Variants in STX5 observed in about 807,000 individuals in gnomAD.
The protein encoded by STX5 is syntaxin 5.
STX5 carries 15 observed loss-of-function variants against 42.9 expected under a neutral mutation model. The ratio of observed to expected loss-of-function variants is 0.35; its 90% confidence interval spans 0.23 to 0.54. The LOEUF (loss-of-function observed/expected upper bound fraction) is 0.54, where lower values mean the gene tolerates loss of function less well. Among genes scored for constraint, STX5 ranks in the 20% least tolerant of loss-of-function variants. STX5 has a pLI of 0.91. For synonymous variants in STX5, 184 were observed against 173.2 expected (o/e 1.06, Z -0.49); for missense variants, 430 against 455.0 (o/e 0.95, Z 0.50).
intron 2 of STX5, among the ~76,000 whole-genome samples, chr11:62,829,843 T>C (rs2134860759): frequency 6.6e-6 from 1 of 151,502 alleles, no homozygotes; most frequent in East Asian, 2.0e-4. Context: ...GGAGGGCAGA[T>C]CACCTCAGGT....
intron 8 of STX5, 78 bp downstream of exon 8, chr11:62,824,958 C>G: frequency 6.9e-7 from 1 of 1,448,164 alleles, no homozygotes; most frequent in Non-Finnish European, 9.6e-7. Context: ...CTACCCAACC[C>G]GTGCCTTTAG....
rs2084565205 is a variant in STX5 at position 62,807,503 on chromosome 11, A to G, written c.1034T>C (p.Val345Ala). Residue 345 changes from valine (V) to alanine (A), a missense_variant, in exon 11 of 11, where the codon GTC becomes GCC. Physicochemically the swap from Val to Ala is moderately conservative, Grantham distance 64. Coordinates refer to ENST00000294179, the MANE Select transcript of STX5 (RefSeq NM_003164.5). ...GAAGACCACAAAGATGATGAAGAAG[A>G]CAATGAGGATGAGGAAGATTTTGAC... ...LMVKIFLILI[V>A]FFIIFVVFLA The G allele has an allele frequency of 6.2e-7, 1 of 1,614,144 alleles. No individual in the cohort carries two copies. Among genetic ancestry groups the G allele is most frequent in the Non-Finnish European group, 8.5e-7 (1 of 1,180,020 alleles).
intron 10 of STX5, among the ~76,000 whole-genome samples, chr11:62,819,426 A>G (rs1296916965): frequency 6.6e-6 from 1 of 151,902 alleles, no homozygotes; most frequent in Non-Finnish European, 1.5e-5. Context: ...ACTTAGATCT[A>G]TTCAAGGAGG....
In STX5 at chr11:62,827,641, A is replaced by G; in HGVS notation, c.226-10T>C. The G allele has an allele frequency of 6.2e-7, 1 of 1,614,186 alleles. No homozygotes were observed. Among genetic ancestry groups the G allele is most frequent in the Non-Finnish European group, 8.5e-7 (1 of 1,180,044 alleles). On this transcript the variant is annotated splice_polypyrimidine_tract_variant and intron_variant, in intron 2 of 10. Transcript: ENST00000294179. ...TTGTCTGGATTCCATTCTGAAAAGCAATGGCAGGAGGTGACAACTTTAGTT... is the reference window on the plus strand; with the variant it reads ...TTGTCTGGATTCCATTCTGAAAAGCGATGGCAGGAGGTGACAACTTTAGTT...
intron 10 of STX5, among the ~76,000 whole-genome samples, chr11:62,810,972 T>G (rs2084610786): frequency 6.6e-6 from 1 of 152,224 alleles, no homozygotes; most frequent in African/African-American, 2.4e-5. Context: ...AAACACATCC[T>G]TACCTCGAAC....
intron 10 of STX5, chr11:62,816,101 T>C (rs755558467): frequency 6.6e-6 from 1 of 152,150 alleles, no homozygotes; most frequent in Non-Finnish European, 1.5e-5. Context: ...TTGTGTATTC[T>C]TAGGAGACGC....
chr11:62,825,185 C>A, intron 7 of STX5, 68 bp from the exon 8 acceptor site: 2 of 1,611,118 alleles, frequency 1.2e-6, no homozygotes, highest in East Asian at 4.5e-5. Flanking sequence ...GAGACTCCCA[C>A]CATTGGCCCC....
intron 2 of STX5, among the ~76,000 whole-genome samples, chr11:62,829,118 T>A (rs1363087913): frequency 6.6e-6 from 1 of 152,006 alleles, no homozygotes; most frequent in East Asian, 1.9e-4. Flanking sequence ...CGGGTCCCAC[T>A]GGGATTGTTG....
chr11:62,827,395 G>A lies in STX5; in HGVS notation c.300C>T (p.Arg100=). 1.9e-6 allele frequency: 3 copies of A among 1,614,170 alleles called. No homozygotes were observed. The highest frequency in any genetic ancestry group is 2.5e-6 in the Non-Finnish European group (3 of 1,180,028). Residue 100 remains arginine, a synonymous_variant, in exon 4 of 11, where the codon CGC becomes CGT. Coordinates refer to ENST00000294179, the MANE Select transcript of STX5 (RefSeq NM_003164.5). ...QRSEFTLMAK[R]IGKDLSNTFA... ...ATGTGTTGCTAAGGTCTTTCCCAATGCGCCTGCAAATGACCACTAGTCAGA... is the reference window on the plus strand; with the variant it reads ...ATGTGTTGCTAAGGTCTTTCCCAATACGCCTGCAAATGACCACTAGTCAGA...
chr11:62,815,380 G>A (rs1342382778), intron 10 of STX5, among the ~76,000 whole-genome samples: 2 of 151,770 alleles, frequency 1.3e-5, no homozygotes, highest in African/African-American at 4.8e-5. Flanking sequence ...ACACTCACTG[G>A]ATAATACATA....
At chr11:62,818,481 G>C (rs1205529293) in intron 10 of STX5, among the ~76,000 whole-genome samples, 1 of 149,776 alleles carries the variant, frequency 6.7e-6, no homozygotes, top group East Asian at 2.0e-4. Flanking sequence ...AGAATCACTT[G>C]AATCCAGGAA....
chr11:62,810,858 ACTTC>A (rs776673871), intron 10 of STX5, among the ~76,000 whole-genome samples: 6 of 152,290 alleles, frequency 3.9e-5, no homozygotes, highest in East Asian at 3.9e-4. Flanking sequence ...CATAAATTCT[ACTTC>A]CTTATTTCTT....
intron 10 of STX5, among the ~76,000 whole-genome samples, chr11:62,809,785 C>G (rs1211151006): frequency 6.7e-6 from 1 of 148,692 alleles, no homozygotes; most frequent in African/African-American, 2.5e-5. Flanking sequence ...AAATTTGCAC[C>G]TACTTTCAAA....
intron 7 of STX5, 23 bp downstream of exon 7, chr11:62,825,260 C>T: frequency 6.2e-7 from 1 of 1,613,962 alleles, no homozygotes; most frequent in Non-Finnish European, 8.5e-7. Context: ...TATTCCTACC[C>T]CTCCTACGCA....
chr11:62,826,901 A>AATT (rs1555007581), intron 5 of STX5, among the ~76,000 whole-genome samples: 9 of 149,448 alleles, frequency 6.0e-5, no homozygotes, highest in Non-Finnish European at 1.2e-4. Flanking sequence ...AAAAAAAAAA[A>AATT]TTATCCAGGA....
chr11:62,814,661 C>A (rs1463363836), intron 10 of STX5, among the ~76,000 whole-genome samples: 2 of 147,554 alleles, frequency 1.4e-5, no homozygotes, highest in Non-Finnish European at 1.5e-5. Flanking sequence ...GAGTTTCGCT[C>A]GTTGCCCAGG....
intron 10 of STX5, among the ~76,000 whole-genome samples, chr11:62,822,096 C>T (rs1243708288): frequency 1.3e-5 from 2 of 152,096 alleles, no homozygotes; most frequent in Non-Finnish European, 2.9e-5. Context: ...GTTGTGATGG[C>T]TCACACCTGT....
At chr11:62,825,630 A>T in intron 5 of STX5, 91 bp from the exon 6 acceptor site, 1 of 1,166,928 alleles carries the variant, frequency 8.6e-7, no homozygotes, top group African/African-American at 1.5e-5. Flanking sequence ...AGGAAGGACA[A>T]GGTGGAAGTT....
chr11:62,808,797 T>C (rs759318945), intron 10 of STX5, among the ~76,000 whole-genome samples: 1 of 152,138 alleles, frequency 6.6e-6, no homozygotes, highest in South Asian at 2.1e-4. Flanking sequence ...ATAAAAGGGA[T>C]AACCTCATCA....
Sources: gnomAD v4.1 joint callset for allele counts (sites outside exome capture counted in the v4.1 genomes callset) on GRCh38, gnomAD v4.1.1 for gene constraint, MANE v1.5 for transcripts, NCBI Gene and HGNC (gene_info 2026-07-23, HGNC 2026-07-21) for gene names.